SPESP1: variants seen among roughly 807,000 people sequenced by gnomAD.
SPESP1 encodes the protein sperm equatorial segment protein 1.
A neutral mutation model predicts 3.1 loss-of-function variants in SPESP1; 1 was observed. The observed-to-expected ratio is 0.33, with a 90% CI of 0.12 to 1.54. SPESP1 has a LOEUF of 1.54. Among genes scored for constraint, SPESP1 ranks in the 40% most tolerant of loss-of-function variants. SPESP1 has a pLI of 0.38. For synonymous variants in SPESP1, 138 were observed against 150.7 expected, an observed-to-expected ratio of 0.92 and a Z score of 0.62; for missense variants, 398 against 410.1, an observed-to-expected ratio of 0.97 and a Z score of 0.26.
intron 1 of SPESP1, among the ~76,000 whole-genome samples, chr15:68,937,556 A>G (rs1895714462): frequency 6.6e-6 from 1 of 151,510 alleles, no homozygotes; most frequent in Non-Finnish European, 1.5e-5. Context: ...TTACATAGGC[A>G]TACGTGTGCC....
At chr15:68,942,874 C>T (rs958121545) in intron 1 of SPESP1, among the ~76,000 whole-genome samples, 8 of 152,080 alleles carry the variant, frequency 5.3e-5, no homozygotes, top group African/African-American at 1.7e-4. Flanking sequence ...AAGGCATATT[C>T]ATTTTACTCA....
chr15:68,946,106 G>GAGCACTGGCATTGA lies in SPESP1; in HGVS notation c.572_573insAGCACTGGCATTGA (p.Ile192AlafsTer22), dbSNP rs1895955941. On this transcript the variant is annotated frameshift_variant, in exon 2 of 2. Coordinates refer to ENST00000310673, the MANE Select transcript of SPESP1 (RefSeq NM_145658.4). LOFTEE classifies it low-confidence loss of function (END_TRUNC). The stretch of plus-strand genomic sequence containing the variant: ...ACTTTAGATAAGAGCACTGGCATTG[G>GAGCACTGGCATTGA]GATCTCTACAGAATCAGAAGATGTT... The GAGCACTGGCATTGA allele has an allele frequency of 5.6e-6, 9 of 1,613,834 alleles. No homozygotes were observed. The highest frequency in any genetic ancestry group is 6.8e-6 in the Non-Finnish European group (8 of 1,179,970).
At chr15:68,943,899 C>G (rs1211614689) in intron 1 of SPESP1, among the ~76,000 whole-genome samples, 3 of 151,688 alleles carry the variant, frequency 2.0e-5, no homozygotes, top group African/African-American at 7.3e-5. Context: ...AAACGTCGAT[C>G]TGGTCTTTCT....
chr15:68,931,242 C>T (rs1895530674), intron 1 of SPESP1, among the ~76,000 whole-genome samples: 1 of 130,370 alleles, frequency 7.7e-6, no homozygotes, highest in Non-Finnish European at 1.6e-5. Flanking sequence ...CCCCCTCCCC[C>T]CACCCCACGG....
intron 1 of SPESP1, 39 bp downstream of exon 1, chr15:68,930,756 C>G (rs774767641): frequency 6.2e-7 from 1 of 1,613,212 alleles, no homozygotes; most frequent in Non-Finnish European, 8.5e-7. Context: ...ACCGGGGACA[C>G]CCTGGGGGAA....
rs1384355778 is a variant in SPESP1, at chr15:68,946,505, G to A, written c.971G>A (p.Arg324Lys). ...LDIKCVPPEM[R>K]EKAATVFNTL... Reference sequence around the variant, plus strand: ...ATTAAATGTGTTCCACCAGAGATGAGAGAAAAAGCTGCTACAGTATTCAAT... The same window carrying A: ...ATTAAATGTGTTCCACCAGAGATGAAAGAAAAAGCTGCTACAGTATTCAAT... Residue 324 changes from arginine to lysine, a missense_variant, in exon 2 of 2, where the codon AGA becomes AAA. By Grantham distance (26) the Arg-to-Lys change is conservative. Coordinates refer to ENST00000310673, the MANE Select transcript of SPESP1 (RefSeq NM_145658.4). The A allele has an allele frequency of 2.5e-6, 4 of 1,610,564 alleles. No homozygotes were observed. The highest frequency in any genetic ancestry group is 2.5e-6 in the Non-Finnish European group (3 of 1,179,350).
chr15:68,931,531 T>C (rs981801743), intron 1 of SPESP1, among the ~76,000 whole-genome samples: 1 of 152,062 alleles, frequency 6.6e-6, no homozygotes, highest in Non-Finnish European at 1.5e-5. Context: ...TACGGTAAAA[T>C]TTGGAGAGCA....
intron 1 of SPESP1, among the ~76,000 whole-genome samples, chr15:68,931,124 C>G (rs1257555029): frequency 3.3e-5 from 5 of 151,888 alleles, no homozygotes; most frequent in African/African-American, 1.2e-4. Context: ...TTCTAGGGTA[C>G]ATGTGCACAG....
chr15:68,933,926 TCAA>T (rs143030648), intron 1 of SPESP1, among the ~76,000 whole-genome samples: 236 of 151,806 alleles, frequency 1.6e-3, no homozygotes, highest in African/African-American at 5.5e-3. Context: ...TTAAATAATA[TCAA>T]CTACTATTAA....
At chr15:68,944,888 G>A (rs1170046479) in intron 1 of SPESP1, among the ~76,000 whole-genome samples, 1 of 152,196 alleles carries the variant, frequency 6.6e-6, no homozygotes, top group African/African-American at 2.4e-5. Context: ...GCTTTTCGGA[G>A]AGAGGAGGAA....
At chr15:68,935,925 A>G (rs2140419901) in intron 1 of SPESP1, among the ~76,000 whole-genome samples, 1 of 152,318 alleles carries the variant, frequency 6.6e-6, no homozygotes, top group African/African-American at 2.4e-5. Context: ...AACCTTCATA[A>G]AAGTTCATTT....
intron 1 of SPESP1, among the ~76,000 whole-genome samples, chr15:68,931,970 C>T (rs549774832): frequency 1.3e-5 from 2 of 152,172 alleles, no homozygotes; most frequent in South Asian, 4.1e-4. Context: ...AATTTAAAAA[C>T]TGAAAATACA....
At chr15:68,941,723 T>C (rs1895828533) in intron 1 of SPESP1, among the ~76,000 whole-genome samples, 1 of 152,208 alleles carries the variant, frequency 6.6e-6, no homozygotes, top group Admixed American at 6.5e-5. Flanking sequence ...TTTAACCACA[T>C]CTGCAAAGAC....
Position 68,933,630 on chromosome 15 carries a change from G to A in SPESP1, c.64+2913G>A, listed in dbSNP as rs540058561. Among the ~76,000 whole-genome samples the A allele has an allele frequency of 1.4e-4, 22 of 151,756 alleles. No homozygotes were observed. The South Asian group carries it at 2.1e-3, about 14-fold the overall frequency. On this transcript the variant is annotated intron_variant, in intron 1 of 1. Transcript: ENST00000310673. ...TCCCAGCACTTTGGGAGGCTGAGGC[G>A]GGCAGATCACCTGAGCCCAGAAATT...
chr15:68,944,013 G>T (rs1368828768), intron 1 of SPESP1, among the ~76,000 whole-genome samples: 1 of 152,128 alleles, frequency 6.6e-6, no homozygotes, highest in Non-Finnish European at 1.5e-5. Flanking sequence ...CTCCTGAACA[G>T]AAAGTTTACT....
intron 1 of SPESP1, among the ~76,000 whole-genome samples, chr15:68,940,901 G>A (rs1004710167): frequency 2.0e-5 from 3 of 151,666 alleles, no homozygotes; most frequent in African/African-American, 7.3e-5. Flanking sequence ...ATTATAAACG[G>A]CTTCTTTAAT....
At position 68,946,718 on chromosome 15, in the gene SPESP1, A is replaced by G. The variant is rs2140431095; in HGVS notation, c.*131A>G. ...GTTGTATAAAAATATTTTCTATTGT[A>G]GTTCAAATGTGCCAACATCTTTATG... On this transcript the variant is annotated 3_prime_UTR_variant, in exon 2 of 2. Coordinates refer to ENST00000310673, the MANE Select transcript of SPESP1 (RefSeq NM_145658.4). The G allele has an allele frequency of 8.7e-7, 1 of 1,154,118 alleles. No individual in the cohort carries two copies. The highest frequency in any genetic ancestry group is 1.1e-6 in the Non-Finnish European group (1 of 896,854). 71.5% of individuals were successfully genotyped at this position (1,154,118 alleles called of 1,614,324 possible).
At chr15:68,941,518 A>G (rs1362480598) in intron 1 of SPESP1, among the ~76,000 whole-genome samples, 2 of 152,124 alleles carry the variant, frequency 1.3e-5, no homozygotes, top group Non-Finnish European at 2.9e-5. Context: ...TGCGTCTTCT[A>G]GTTTCTGGTG....
chr15:68,944,698 C>T (rs574160113), intron 1 of SPESP1, among the ~76,000 whole-genome samples: 3 of 152,120 alleles, frequency 2.0e-5, no homozygotes, highest in Non-Finnish European at 4.4e-5. Flanking sequence ...TGGTCTCTTA[C>T]AATTACTCTA....
Sources: gnomAD v4.1 joint callset for allele counts (sites outside exome capture counted in the v4.1 genomes callset) on GRCh38, gnomAD v4.1.1 for gene constraint, MANE v1.5 for transcripts, NCBI Gene and HGNC (gene_info 2026-07-23, HGNC 2026-07-21) for gene names.